The following PDE3A variants were observed in gnomAD, a reference collection of about 807,000 sequenced individuals.
PDE3A encodes cGMP-inhibited 3',5'-cyclic phosphodiesterase 3A.
PDE3A carries 43 observed loss-of-function variants against 98.3 expected under a neutral mutation model. That is an observed-to-expected ratio of 0.44 (90% CI 0.34 to 0.56). The LOEUF is 0.56. Ranked by LOEUF, PDE3A falls within the 20% of genes least tolerant of loss-of-function variation. The probability of loss-of-function intolerance (pLI) is 0.01; values close to 1 mark genes in which losing one functional copy is unlikely to be tolerated. For missense variants in PDE3A, 1,427 were observed against 1,440.7 expected, an observed-to-expected ratio of 0.99 and a Z score of 0.15; for synonymous variants, 663 against 567.9, an observed-to-expected ratio of 1.17 and a Z score of -2.38.
chr12:20,643,338 TGTCA>T (rs143139218), intron 10 of PDE3A, among the ~76,000 whole-genome samples: 18,849 of 152,138 alleles, frequency 0.12, 1,389 homozygotes, highest in African/African-American at 0.19. Flanking sequence ...CATAGAAACC[TGTCA>T]GTAACTTACA....
chr12:20,613,921 CCT>C (rs1485929764), intron 3 of PDE3A, among the ~76,000 whole-genome samples: 3 of 152,078 alleles, frequency 2.0e-5, no homozygotes, highest in Non-Finnish European at 4.4e-5. Context: ...TTTTATGTTA[CCT>C]CTTTTATTTA....
rs114359688 is a variant in PDE3A, at chr12:20,482,797, C to T, written c.961-73863C>T. Among the ~76,000 whole-genome samples the T allele has an allele frequency of 3.7e-3, 568 of 152,276 alleles. 4 individuals are homozygous for T. The highest frequency in any genetic ancestry group is 0.013 in the African/African-American group (543 of 41,556). ...TGTACTTTTATTTCTTCAGCAGCTG[C>T]TCTTTTTAAATGGATGCAGCTGTAC... On this transcript the variant is annotated intron_variant, in intron 1 of 15. Transcript: ENST00000359062.
At chr12:20,651,898 C>T (rs1944927935) in intron 14 of PDE3A, among the ~76,000 whole-genome samples, 1 of 152,100 alleles carries the variant, frequency 6.6e-6, no homozygotes, top group African/African-American at 2.4e-5. Flanking sequence ...AGATATATCT[C>T]CTAATGCTAT....
At chr12:20,501,128 C>T (rs1293256859) in intron 1 of PDE3A, among the ~76,000 whole-genome samples, 7 of 152,140 alleles carry the variant, frequency 4.6e-5, no homozygotes, top group African/African-American at 7.2e-5. Context: ...AAGAAAATAA[C>T]GTACTAATGT....
chr12:20,608,081 T>G (rs1943757619), intron 2 of PDE3A, among the ~76,000 whole-genome samples: 1 of 152,166 alleles, frequency 6.6e-6, no homozygotes, highest in Non-Finnish European at 1.5e-5. Flanking sequence ...CCCTTAAAAT[T>G]CCTTAATAGG....
At chr12:20,482,186 A>G (rs1248636563) in intron 1 of PDE3A, among the ~76,000 whole-genome samples, 1 of 152,150 alleles carries the variant, frequency 6.6e-6, no homozygotes, top group Non-Finnish European at 1.5e-5. Flanking sequence ...TAACTAAGAA[A>G]TGAAAAGTAT....
rs183900279 is a variant in PDE3A at position 20,539,627 on chromosome 12, G to A, written c.961-17033G>A. The stretch of plus-strand genomic sequence containing the variant: ...CAGGATAGGTGCTCAGTAAACGTTT[G>A]TGTTGGATGAATGGATAGATGGATG... On this transcript the variant is annotated intron_variant, in intron 1 of 15. Coordinates refer to ENST00000359062, the MANE Select transcript of PDE3A (RefSeq NM_000921.5). Among the ~76,000 whole-genome samples the A allele has an allele frequency of 3.9e-5, 6 of 152,212 alleles. No individual in the cohort carries two copies. The East Asian group carries it at 1.2e-3, about 29-fold the overall frequency.
At chr12:20,610,429 C>A (rs1943821077) in intron 2 of PDE3A, among the ~76,000 whole-genome samples, 1 of 151,804 alleles carries the variant, frequency 6.6e-6, no homozygotes, top group Admixed American at 6.6e-5. Flanking sequence ...GAAAAGGGAA[C>A]CCTAGAACAC....
intron 2 of PDE3A, among the ~76,000 whole-genome samples, chr12:20,589,375 T>C (rs1943269186): frequency 6.6e-6 from 1 of 152,210 alleles, no homozygotes; most frequent in African/African-American, 2.4e-5. Context: ...ATATTGTTCA[T>C]GGTAAGTAAA....
chr12:20,515,552 C>G (rs1296469372), intron 1 of PDE3A, among the ~76,000 whole-genome samples: 1 of 152,086 alleles, frequency 6.6e-6, no homozygotes, highest in African/African-American at 2.4e-5. Flanking sequence ...GACACTCAAA[C>G]TTTAACTCTG....
chr12:20,369,349 C>T lies in PDE3A; in HGVS notation c.65C>T (p.Ala22Val), dbSNP rs867041864. The change falls in exon 1 of 16, where the codon GCC becomes GTC. Residue 22 changes from alanine to valine, a missense_variant. By Grantham distance (64) the Ala-to-Val change is moderately conservative. Coordinates refer to ENST00000359062, the MANE Select transcript of PDE3A (RefSeq NM_000921.5). The part of the protein sequence containing the change: ...DKPVHSGVSQ[A>V]PTAGRDCHHR... ...CCCGTCCACAGTGGGGTGAGTCAAG[C>T]CCCCACGGCGGGCCGGGACTGCCAC... The T allele has an allele frequency of 1.3e-5, 20 of 1,548,556 alleles. No homozygotes were observed. Among genetic ancestry groups the T allele is most frequent in the Admixed American group, 3.9e-5 (2 of 50,974 alleles).
At chr12:20,407,435 G>A (rs960061862) in intron 1 of PDE3A, among the ~76,000 whole-genome samples, 5 of 152,166 alleles carry the variant, frequency 3.3e-5, no homozygotes, top group African/African-American at 1.2e-4. Flanking sequence ...AGGCAAAAAA[G>A]GCAGGCAATA....
intron 1 of PDE3A, among the ~76,000 whole-genome samples, chr12:20,522,548 G>C (rs142905393): frequency 6.6e-6 from 1 of 152,226 alleles, no homozygotes; most frequent in East Asian, 1.9e-4. Context: ...TAGCTTTTGG[G>C]GTGTTGTCTT....
At chr12:20,662,002 G>A (rs1204300625) in intron 15 of PDE3A, among the ~76,000 whole-genome samples, 1 of 152,136 alleles carries the variant, frequency 6.6e-6, no homozygotes, top group African/African-American at 2.4e-5. Flanking sequence ...GCCCATGAAA[G>A]CATCCATGAG....
At chr12:20,558,721 C>T (rs796570107) in intron 2 of PDE3A, among the ~76,000 whole-genome samples, 3 of 122,130 alleles carry the variant, frequency 2.5e-5, no homozygotes, top group South Asian at 2.8e-4. Flanking sequence ...ATAATAATAA[C>T]AATAATGTTT....
chr12:20,670,545 C>A (rs1394058239), intron 15 of PDE3A, among the ~76,000 whole-genome samples: 3 of 152,182 alleles, frequency 2.0e-5, no homozygotes, highest in Non-Finnish European at 4.4e-5. Context: ...TTAAGAATCT[C>A]ACTCAAAACT....
rs139134438 is a variant in PDE3A at position 20,646,722 on chromosome 12, C to G, written c.2366-29C>G. ...AATAATGTCAGTACTTTTTTAAAAACTTCTTTGACTCTCATTTTCTCTTCT... is the reference window on the plus strand; with the variant it reads ...AATAATGTCAGTACTTTTTTAAAAAGTTCTTTGACTCTCATTTTCTCTTCT... On this transcript the variant is annotated intron_variant, in intron 11 of 15. Coordinates refer to ENST00000359062, the MANE Select transcript of PDE3A (RefSeq NM_000921.5). 1,503 of 1,532,204 alleles carry G rather than the reference C, an allele frequency of 9.8e-4. 13 individuals carry two copies. In the African/African-American group the frequency reaches 0.017, roughly 17 times the overall value. 94.9% of individuals were successfully genotyped at this position (1,532,204 alleles called of 1,614,324 possible).
chr12:20,594,025 A>T (rs1943405070), intron 2 of PDE3A, among the ~76,000 whole-genome samples: 1 of 152,148 alleles, frequency 6.6e-6, no homozygotes, highest in East Asian at 1.9e-4. Context: ...AAGCAAGAAA[A>T]AGCCAGGAAT....
chr12:20,650,715 G>C (rs765567156), intron 14 of PDE3A, 115 bp downstream of exon 14: 3 of 546,102 alleles, frequency 5.5e-6, no homozygotes, highest in Non-Finnish European at 9.1e-6. Context: ...TCATACTTTT[G>C]TCAGAAAATG....
Sources: gnomAD v4.1 joint callset for allele counts (sites outside exome capture counted in the v4.1 genomes callset) on GRCh38, gnomAD v4.1.1 for gene constraint, MANE v1.5 for transcripts, NCBI Gene and HGNC (gene_info 2026-07-23, HGNC 2026-07-21) for gene names.